SH2D4B: variants seen among roughly 807,000 people sequenced by gnomAD.
SH2D4B encodes SH2 domain containing 4B, also known as SH2 domain-containing protein 4B.
A neutral mutation model predicts 61.5 loss-of-function variants in SH2D4B; 45 were observed. That is an observed-to-expected ratio of 0.73 (90% CI 0.58 to 0.94). The LOEUF is 0.94. Ranked by LOEUF, SH2D4B falls within the 40% of genes least tolerant of loss-of-function variation. SH2D4B has a pLI of 0.00. For missense variants in SH2D4B, 572 were observed against 574.2 expected (o/e 1.00, Z 0.04); for synonymous variants, 224 against 220.4 (o/e 1.02, Z -0.14).
intron 1 of SH2D4B, among the ~76,000 whole-genome samples, chr10:80,567,765 G>A (rs887173054): frequency 1.3e-5 from 2 of 152,192 alleles, no homozygotes; most frequent in Non-Finnish European, 2.9e-5. Context: ...CTTTTTGTCT[G>A]ATTCCCCTTG....
chr10:80,587,098 A>G (rs559407153), intron 3 of SH2D4B, among the ~76,000 whole-genome samples: 48 of 146,122 alleles, frequency 3.3e-4, no homozygotes, highest in African/African-American at 1.1e-3. Context: ...TCTTGAAGTC[A>G]GTGAGACCAA....
At position 80,570,347 on chromosome 10, in the gene SH2D4B, C is replaced by T. The variant is rs1298801019; in HGVS notation, c.347+31C>T. On this transcript the variant is annotated intron_variant, in intron 2 of 7. Transcript: ENST00000646907. Reference sequence around the variant, plus strand: ...GGGTGCTATGGGGTGTTGGGTGGGGCCTAGGCATGGAAGCTATGCTTAGCC... The same window carrying T: ...GGGTGCTATGGGGTGTTGGGTGGGGTCTAGGCATGGAAGCTATGCTTAGCC... The T allele has an allele frequency of 2.5e-6, 4 of 1,608,724 alleles. No homozygotes were observed. The South Asian group carries it at 4.4e-5, about 18-fold the overall frequency.
chr10:80,600,536 TG>T, intron 4 of SH2D4B, among the ~76,000 whole-genome samples: 2 of 151,600 alleles, frequency 1.3e-5, no homozygotes, highest in African/African-American at 4.9e-5. Context: ...TGTGTGTGTG[TG>T]TGTGTGTGTG....
At chr10:80,614,388 C>T (rs114837116) in intron 6 of SH2D4B, among the ~76,000 whole-genome samples, 5,440 of 152,258 alleles carry the variant, frequency 0.036, 307 homozygotes, top group African/African-American at 0.12. Flanking sequence ...TGAGAACTCA[C>T]TCACTGTGGT....
chr10:80,544,694 G>A (rs533488827), intron 1 of SH2D4B, among the ~76,000 whole-genome samples: 1 of 152,332 alleles, frequency 6.6e-6, no homozygotes, highest in Admixed American at 6.5e-5. Flanking sequence ...TCCCATGGTG[G>A]CCCTGATCTC....
chr10:80,583,174 A>G (rs12773027), intron 3 of SH2D4B, among the ~76,000 whole-genome samples: 41,078 of 152,098 alleles, frequency 0.27, 6,516 homozygotes, highest in African/African-American at 0.43. Flanking sequence ...ATCAGAGCAC[A>G]TGGGAAGAAA....
chr10:80,597,229 A>T (rs141985482), intron 4 of SH2D4B, among the ~76,000 whole-genome samples: 2 of 152,162 alleles, frequency 1.3e-5, no homozygotes, highest in Non-Finnish European at 2.9e-5. Flanking sequence ...CCGAGGGACA[A>T]TTGTACATCA....
At chr10:80,642,713 T>C (rs1840328224) in intron 7 of SH2D4B, among the ~76,000 whole-genome samples, 1 of 152,228 alleles carries the variant, frequency 6.6e-6, no homozygotes, top group African/African-American at 2.4e-5. Flanking sequence ...TTCATGATCT[T>C]GAACAGTGCT....
In SH2D4B at chr10:80,644,298, C is replaced by G; in HGVS notation, c.*213C>G. 3 of 533,938 alleles carry G rather than the reference C, an allele frequency of 5.6e-6. No homozygotes were observed. In the South Asian group the frequency reaches 8.0e-5, roughly 14 times the overall value. The allele number at this position is 533,938 out of a possible 1,614,324, so 33.1% of individuals were successfully genotyped here. On this transcript the variant is annotated 3_prime_UTR_variant, in exon 8 of 8. Transcript: ENST00000646907. ...CAGAAATTGCTAATAGCTCATGCAA[C>G]TCTTTCATGAAGAGCTTAGCTATGA...
intron 4 of SH2D4B, among the ~76,000 whole-genome samples, chr10:80,598,452 G>A (rs1284020092): frequency 2.6e-5 from 4 of 152,130 alleles, no homozygotes; most frequent in Non-Finnish European, 5.9e-5. Context: ...TGATCATTCA[G>A]GCCCTGTGGT....
intron 1 of SH2D4B, among the ~76,000 whole-genome samples, chr10:80,561,401 A>G (rs1197690218): frequency 6.6e-6 from 1 of 152,242 alleles, no homozygotes; most frequent in Non-Finnish European, 1.5e-5. Context: ...AGATGTTGCA[A>G]AATAAAATAA....
chr10:80,644,151 A>G lies in SH2D4B; in HGVS notation c.*66A>G. 5 of 1,297,912 alleles carry G rather than the reference A, an allele frequency of 3.9e-6. No homozygotes were observed. Among genetic ancestry groups the G allele is most frequent in the Non-Finnish European group, 4.4e-6 (4 of 902,910 alleles). The allele number at this position is 1,297,912 out of a possible 1,614,324, so 80.4% of individuals were successfully genotyped here. ...TTTGAACTCAGCTTAAGAACTTCTC[A>G]TCTCAAATCCTATGGCCTTCTGGAA... On this transcript the variant is annotated 3_prime_UTR_variant, in exon 8 of 8. Coordinates refer to ENST00000646907, the MANE Select transcript of SH2D4B (RefSeq NM_001388272.1).
At chr10:80,546,164 C>T (rs1841677715) in intron 1 of SH2D4B, among the ~76,000 whole-genome samples, 1 of 151,892 alleles carries the variant, frequency 6.6e-6, no homozygotes, top group Non-Finnish European at 1.5e-5. Flanking sequence ...CGCACCTCAG[C>T]CTCCTGAGTA....
At chr10:80,618,806 G>A (rs1405051520) in intron 6 of SH2D4B, among the ~76,000 whole-genome samples, 1 of 152,090 alleles carries the variant, frequency 6.6e-6, no homozygotes, top group Non-Finnish European at 1.5e-5. Context: ...AGTCCTAACC[G>A]AGAAATAAAA....
intron 5 of SH2D4B, among the ~76,000 whole-genome samples, chr10:80,605,433 T>G (rs755455952): frequency 5.3e-5 from 8 of 152,212 alleles, no homozygotes; most frequent in Non-Finnish European, 1.0e-4. Flanking sequence ...TTTTCTCAGT[T>G]TGGCACTTAT....
chr10:80,587,151 G>GTTTT (rs58312366), intron 3 of SH2D4B, among the ~76,000 whole-genome samples: 5 of 48,386 alleles, frequency 1.0e-4, no homozygotes, highest in Non-Finnish European at 1.4e-4. Flanking sequence ...TTTTTGTTTT[G>GTTTT]TTTTTTTTTT....
intron 7 of SH2D4B, among the ~76,000 whole-genome samples, chr10:80,638,200 G>C (rs922782137): frequency 6.6e-6 from 1 of 152,192 alleles, no homozygotes; most frequent in Non-Finnish European, 1.5e-5. Context: ...GTATTTTATT[G>C]AGGATTTTCC....
At chr10:80,612,443 C>T (rs1045016880) in intron 6 of SH2D4B, among the ~76,000 whole-genome samples, 3 of 152,098 alleles carry the variant, frequency 2.0e-5, no homozygotes, top group Middle Eastern at 3.2e-3. Flanking sequence ...GGATCTATTA[C>T]ACTCTTCTGG....
chr10:80,541,901 C>T (rs377492821), intron 1 of SH2D4B, among the ~76,000 whole-genome samples: 23 of 152,270 alleles, frequency 1.5e-4, no homozygotes, highest in African/African-American at 4.6e-4. Context: ...GATGAGGGCA[C>T]GGCTGGACAC....
Sources: gnomAD v4.1 joint callset for allele counts (sites outside exome capture counted in the v4.1 genomes callset) on GRCh38, gnomAD v4.1.1 for gene constraint, MANE v1.5 for transcripts, NCBI Gene and HGNC (gene_info 2026-07-23, HGNC 2026-07-21) for gene names.